DLGAP2: variants seen among roughly 807,000 people sequenced by gnomAD.
The protein encoded by DLGAP2 is DLG associated protein 2, also known as disks large-associated protein 2.
In DLGAP2, 26 loss-of-function variants were observed where a neutral mutation model predicts 100.3. That is an observed-to-expected ratio of 0.26 (90% CI 0.19 to 0.36). The LOEUF (loss-of-function observed/expected upper bound fraction) is 0.36. Ranked by LOEUF, DLGAP2 falls within the 10% of genes least tolerant of loss-of-function variation. The pLI is 1.00. For missense variants in DLGAP2, 1,858 were observed against 1,453.2 expected, an observed-to-expected ratio of 1.28 and a Z score of -4.53; for synonymous variants, 886 against 630.1, an observed-to-expected ratio of 1.41 and a Z score of -6.08.
chr8:1,508,960 C>T (rs1402109251), intron 4 of DLGAP2, among the ~76,000 whole-genome samples: 1 of 152,090 alleles, frequency 6.6e-6, no homozygotes, highest in Non-Finnish European at 1.5e-5. Context: ...CCATGGGCTG[C>T]AACTCATTAA....
intron 5 of DLGAP2, among the ~76,000 whole-genome samples, chr8:1,551,864 C>G (rs1180175841): frequency 3.3e-5 from 5 of 152,212 alleles, no homozygotes; most frequent in Admixed American, 6.5e-5. Context: ...TCACATTCCC[C>G]TGAGGGCTCA....
chr8:986,719 A>T (rs554914317), intron 2 of DLGAP2, among the ~76,000 whole-genome samples: 2 of 149,624 alleles, frequency 1.3e-5, no homozygotes, highest in African/African-American at 5.0e-5. Context: ...GAGTGCAATG[A>T]TGCAATCTTG....
chr8:933,419 T>G (rs115128705), intron 2 of DLGAP2, among the ~76,000 whole-genome samples: 2,331 of 145,670 alleles, frequency 0.016, 67 homozygotes, highest in African/African-American at 0.057. Flanking sequence ...GGGCAGAGCC[T>G]GCAGTGGACA....
At chr8:785,472 C>T (rs1821826371) in intron 1 of DLGAP2, among the ~76,000 whole-genome samples, 1 of 149,304 alleles carries the variant, frequency 6.7e-6, no homozygotes, top group African/African-American at 2.5e-5. Flanking sequence ...CCTCCCTCCT[C>T]CCCTCAGCCC....
chr8:1,464,678 GGGGCT>G (rs1411464505), intron 3 of DLGAP2, among the ~76,000 whole-genome samples: 1 of 152,160 alleles, frequency 6.6e-6, no homozygotes. Flanking sequence ...AGAGCTGTCA[GGGGCT>G]GGAGACACGT....
intron 3 of DLGAP2, among the ~76,000 whole-genome samples, chr8:1,412,375 G>A (rs1490989608): frequency 6.6e-6 from 1 of 152,306 alleles, no homozygotes; most frequent in South Asian, 2.1e-4. Context: ...TCTTACAGAT[G>A]TGGAGGTTCC....
At chr8:1,169,153 G>C (rs1038330581) in intron 2 of DLGAP2, among the ~76,000 whole-genome samples, 1 of 151,542 alleles carries the variant, frequency 6.6e-6, no homozygotes, top group Non-Finnish European at 1.5e-5. Flanking sequence ...TTTCCCCATT[G>C]CTTGTTTTTC....
chr8:1,209,022 A>C (rs1028126025), intron 2 of DLGAP2, among the ~76,000 whole-genome samples: 1 of 152,188 alleles, frequency 6.6e-6, no homozygotes, highest in African/African-American at 2.4e-5. Flanking sequence ...AAATGGTAAC[A>C]CATCTCATGC....
At chr8:1,126,057 C>T (rs1796156128) in intron 2 of DLGAP2, among the ~76,000 whole-genome samples, 1 of 152,224 alleles carries the variant, frequency 6.6e-6, no homozygotes, top group Non-Finnish European at 1.5e-5. Flanking sequence ...ATGGTCTTCT[C>T]CCACATGTCT....
At chr8:1,362,055 G>C (rs1286537091) in intron 3 of DLGAP2, among the ~76,000 whole-genome samples, 3 of 152,142 alleles carry the variant, frequency 2.0e-5, no homozygotes, top group Non-Finnish European at 4.4e-5. Flanking sequence ...TTAAAGTTTA[G>C]GAGAATGAAA....
chr8:1,056,737 C>T (rs1035146629), intron 2 of DLGAP2, among the ~76,000 whole-genome samples: 5 of 152,226 alleles, frequency 3.3e-5, no homozygotes, highest in East Asian at 1.9e-4. Flanking sequence ...GCCAGATCAT[C>T]GCTCCAGAAG....
intron 3 of DLGAP2, among the ~76,000 whole-genome samples, chr8:1,422,532 G>C (rs944038442): frequency 4.0e-5 from 6 of 148,996 alleles, no homozygotes; most frequent in African/African-American, 1.5e-4. Context: ...GAAGGCAGAA[G>C]AGTGTTTGGA....
At chr8:768,775 T>G (rs573803263) in intron 1 of DLGAP2, among the ~76,000 whole-genome samples, 1 of 152,258 alleles carries the variant, frequency 6.6e-6, no homozygotes, top group East Asian at 1.9e-4. Context: ...CAAAAAACAC[T>G]TAAAAATGGT....
At chr8:1,571,916 A>G (rs984564709) in intron 6 of DLGAP2, among the ~76,000 whole-genome samples, 2,443 of 24,352 alleles carry the variant, frequency 0.1, no homozygotes, top group Admixed American at 0.11. Flanking sequence ...GAGAGAGGGT[A>G]AACTGTGGGG....
chr8:1,246,386 G>T lies in DLGAP2; in HGVS notation c.74-12465G>T, dbSNP rs529932626. ...CTAACCGCTTTCCCATCTCCAGCTT[G>T]GCATCCTTCCCTCAACCAGGGCCTC... On this transcript the variant is annotated intron_variant, in intron 2 of 14. Transcript: ENST00000637795. 2.0e-5 allele frequency among the ~76,000 whole-genome samples: 3 copies of T among 151,222 alleles called. No homozygotes were observed. The South Asian group carries it at 6.2e-4, about 31-fold the overall frequency.
intron 2 of DLGAP2, among the ~76,000 whole-genome samples, chr8:1,085,493 C>A (rs6988182): frequency 0.025 from 3,739 of 152,258 alleles, 142 homozygotes; most frequent in African/African-American, 0.086. Context: ...AGTTTCAGTT[C>A]TGATGTGTAA....
intron 2 of DLGAP2, among the ~76,000 whole-genome samples, chr8:1,077,396 G>C (rs1381558981): frequency 6.6e-6 from 1 of 152,148 alleles, no homozygotes; most frequent in African/African-American, 2.4e-5. Context: ...CATCATATCC[G>C]TGGTTCTCAG....
intron 3 of DLGAP2, among the ~76,000 whole-genome samples, chr8:1,366,358 G>A (rs894896684): frequency 6.6e-6 from 1 of 152,232 alleles, no homozygotes; most frequent in African/African-American, 2.4e-5. Context: ...TGGAGGGGCT[G>A]CACACCCAGG....
chr8:1,295,183 C>T (rs1025016026), intron 3 of DLGAP2, among the ~76,000 whole-genome samples: 2 of 152,188 alleles, frequency 1.3e-5, no homozygotes, highest in Admixed American at 1.3e-4. Flanking sequence ...TTGCAGCAGA[C>T]AGACATGGCG....
Sources: gnomAD v4.1 joint callset for allele counts (sites outside exome capture counted in the v4.1 genomes callset) on GRCh38, gnomAD v4.1.1 for gene constraint, MANE v1.5 for transcripts, NCBI Gene and HGNC (gene_info 2026-07-23, HGNC 2026-07-21) for gene names.